The following SV2B variants were observed in gnomAD, a reference collection of about 807,000 sequenced individuals.
SV2B encodes the protein solute carrier family 22 member B2.
SV2B carries 41 observed loss-of-function variants against 73.9 expected under a neutral mutation model. The ratio of observed to expected loss-of-function variants is 0.56; its 90% CI spans 0.43 to 0.72. SV2B has a LOEUF of 0.72. Ranked by LOEUF, SV2B falls within the 30% of genes least tolerant of loss-of-function variation. The probability of loss-of-function intolerance (pLI) is 0.00; values close to 1 mark genes in which losing one functional copy is unlikely to be tolerated. For missense variants in SV2B, 764 were observed against 857.8 expected (o/e 0.89, Z 1.37); for synonymous variants, 314 against 314.2 (o/e 1.00, Z 0.01).
chr15:91,162,499 C>T (rs1241941539), intron 1 of SV2B, among the ~76,000 whole-genome samples: 1 of 150,482 alleles, frequency 6.6e-6, no homozygotes, highest in East Asian at 1.9e-4. Context: ...TAACAAATTA[C>T]CACAAGTTTA....
At position 91,267,717 on chromosome 15, in the gene SV2B, T is replaced by C; in HGVS notation, c.1208+74T>C. 1 of 1,221,900 alleles carries C rather than the reference T, an allele frequency of 8.2e-7. No individual in the cohort carries two copies. The highest frequency in any genetic ancestry group is 1.2e-6 in the Non-Finnish European group (1 of 843,906). 75.7% of individuals were successfully genotyped at this position (1,221,900 alleles called of 1,614,324 possible). Reference sequence around the variant, plus strand: ...CTCCTTTACACATTGAGGATTACAGTGAGTTCTGACTTAGAATTTGTATCA... The same window carrying C: ...CTCCTTTACACATTGAGGATTACAGCGAGTTCTGACTTAGAATTTGTATCA... On this transcript the variant is annotated intron_variant, in intron 8 of 12. Transcript: ENST00000394232. This position sits in a 1 kb window ranked among gnomAD's most constrained non-coding sequence, Gnocchi z 4.3.
Position 91,225,982 on chromosome 15 carries a change from A to G in SV2B, c.-282A>G, listed in dbSNP as rs949746035. On this transcript the variant is annotated 5_prime_UTR_variant, in exon 2 of 13. Transcript: ENST00000394232. ...ATCCATTTCTAATCAACACTTCCCA[A>G]CGCAACACTTCTGAGTCTCTGAAGG... 10 of 443,666 alleles carry G rather than the reference A, an allele frequency of 2.3e-5. 1 individual carries two copies. The highest frequency in any genetic ancestry group is 7.8e-5 in the South Asian group (3 of 38,642). The allele number at this position is 443,666 out of a possible 1,614,324, so 27.5% of individuals were successfully genotyped here. A position where few individuals can be genotyped will look rare whatever the true frequency, so the allele number is the denominator to read the frequency against.
In SV2B at chr15:91,222,070, C is replaced by G. The variant is rs542703153; in HGVS notation, c.-391-3803C>G. On this transcript the variant is annotated intron_variant, in intron 1 of 12. Transcript: ENST00000394232. ...TAGCCTTGTCCTCCAGCCTGCAGTG[C>G]CTTCCTCTCCATTGTTTGTTTCTCT... Among the ~76,000 whole-genome samples, 34 of 152,276 alleles carry G rather than the reference C, an allele frequency of 2.2e-4. No homozygotes were observed. In the East Asian group the frequency reaches 6.2e-3, roughly 28 times the overall value.
At chr15:91,270,025 C>T (rs2048241013) in intron 9 of SV2B, among the ~76,000 whole-genome samples, 1 of 152,130 alleles carries the variant, frequency 6.6e-6, no homozygotes, top group South Asian at 2.1e-4. Context: ...TTTAGTATGT[C>T]AGGAGGTCTT....
At chr15:91,102,371 G>A (rs2041754507) in intron 1 of SV2B, 1 of 152,146 alleles carries the variant, frequency 6.6e-6, no homozygotes, top group African/African-American at 2.4e-5. Flanking sequence ...TTAGTTTCCT[G>A]ATCTGTAAAA....
chr15:91,272,538 A>G (rs62026609), intron 9 of SV2B, among the ~76,000 whole-genome samples: 10,706 of 152,174 alleles, frequency 0.07, 423 homozygotes, highest in Non-Finnish European at 0.092. Flanking sequence ...CTGTGTTCTT[A>G]CTCAGGTAGG....
intron 1 of SV2B, among the ~76,000 whole-genome samples, chr15:91,192,578 G>C (rs1026775134): frequency 1.3e-5 from 2 of 152,210 alleles, no homozygotes; most frequent in Non-Finnish European, 2.9e-5. Flanking sequence ...TGACATTCTT[G>C]ATGTGTTTAT....
In SV2B at chr15:91,229,893, G is replaced by A. The variant is rs550971423; in HGVS notation, c.451+3179G>A. ...CTCAGCTGGCGAAAAGGCTGTTTAT[G>A]TTTGAGTGCTGCTAACTCAGTTCTG... On this transcript the variant is annotated intron_variant, in intron 2 of 12. Coordinates refer to ENST00000394232, the MANE Select transcript of SV2B (RefSeq NM_001323032.3). This position sits in a 1 kb window ranked among gnomAD's most constrained non-coding sequence, Gnocchi z 4.3. Among the ~76,000 whole-genome samples the A allele has an allele frequency of 6.6e-6, 1 of 152,290 alleles. No individual in the cohort carries two copies. The highest frequency in any genetic ancestry group is 1.9e-4 in the East Asian group (1 of 5,178).
rs922688542 is a variant in SV2B at position 91,220,497 on chromosome 15, G to A, written c.-391-5376G>A. Among the ~76,000 whole-genome samples, 5 of 152,216 alleles carry A rather than the reference G, an allele frequency of 3.3e-5. No homozygotes were observed. Among genetic ancestry groups the A allele is most frequent in the Admixed American group, 2.6e-4 (4 of 15,278 alleles). On this transcript the variant is annotated intron_variant, in intron 1 of 12. Transcript: ENST00000394232. The surrounding 1 kb of genome is among the most constrained non-coding windows in gnomAD (Gnocchi z 4.1). ...AATATTAAAAGCCTAATGCTCTACAGAACAGATTTTGGGAAGCATTACATC... is the reference window on the plus strand; with the variant it reads ...AATATTAAAAGCCTAATGCTCTACAAAACAGATTTTGGGAAGCATTACATC...
chr15:91,152,928 C>T (rs1170965017), intron 1 of SV2B, among the ~76,000 whole-genome samples: 7 of 152,274 alleles, frequency 4.6e-5, no homozygotes, highest in Admixed American at 2.6e-4. Flanking sequence ...ATCTATTTCT[C>T]ACAGTTCTGG....
At chr15:91,216,659 C>T (rs996695219) in intron 1 of SV2B, among the ~76,000 whole-genome samples, 9 of 151,288 alleles carry the variant, frequency 5.9e-5, no homozygotes, top group Admixed American at 1.3e-4. Context: ...TTAGTAGAGA[C>T]GGGGTTTCTC....
chr15:91,148,235 T>G (rs2043205737), intron 1 of SV2B, among the ~76,000 whole-genome samples: 1 of 152,104 alleles, frequency 6.6e-6, no homozygotes, highest in Non-Finnish European at 1.5e-5. Context: ...TGCCTTGGCC[T>G]CCCAAAGTGC....
intron 1 of SV2B, among the ~76,000 whole-genome samples, chr15:91,193,025 T>C (rs189433927): frequency 4.6e-5 from 7 of 152,364 alleles, no homozygotes; most frequent in African/African-American, 1.7e-4. Context: ...CACAAATCTA[T>C]CTACTCATTT....
intron 1 of SV2B, among the ~76,000 whole-genome samples, chr15:91,119,622 G>A (rs8028497): frequency 0.47 from 71,454 of 152,060 alleles, 17,964 homozygotes; most frequent in Middle Eastern, 0.58. Flanking sequence ...ATACAATTTG[G>A]AAAATAGGAA....
At position 91,289,473 on chromosome 15, in the gene SV2B, C is replaced by A. The variant is rs1596802054; in HGVS notation, c.1709-48C>A. ...AAGAACTGTGAGTGACAGCCATGTG[C>A]AAGACACAGGCCTCATGTTTCTTTT... On this transcript the variant is annotated intron_variant, in intron 11 of 12. Transcript: ENST00000394232. This position sits in a 1 kb window ranked among gnomAD's most constrained non-coding sequence, Gnocchi z 4.9. The A allele has an allele frequency of 2.5e-6, 4 of 1,612,224 alleles. No homozygotes were observed. In the East Asian group the frequency reaches 8.9e-5, roughly 36 times the overall value.
At chr15:91,182,889 T>A (rs2044635881) in intron 1 of SV2B, among the ~76,000 whole-genome samples, 1 of 152,202 alleles carries the variant, frequency 6.6e-6, no homozygotes, top group African/African-American at 2.4e-5. Flanking sequence ...GTTTGGAAAG[T>A]ACTAGAGAGC....
intron 1 of SV2B, among the ~76,000 whole-genome samples, chr15:91,159,521 TG>T (rs964466197): frequency 2.0e-5 from 3 of 152,160 alleles, no homozygotes; most frequent in African/African-American, 7.2e-5. Context: ...CAATGATTTT[TG>T]ATAAAAACAT....
intron 1 of SV2B, among the ~76,000 whole-genome samples, chr15:91,188,694 T>C (rs1567327736): frequency 6.6e-6 from 1 of 152,298 alleles, no homozygotes; most frequent in East Asian, 1.9e-4. Context: ...TGAAAAAGAT[T>C]AATCTGAACA....
chr15:91,232,703 A>T lies in SV2B; in HGVS notation c.451+5989A>T, dbSNP rs2046625440. 6.6e-6 allele frequency among the ~76,000 whole-genome samples: 1 copy of T among 152,046 alleles called. No homozygotes were observed. Among genetic ancestry groups the T allele is most frequent in the East Asian group, 1.9e-4 (1 of 5,188 alleles). ...TTGTTATAGCAGTAGTTCCTTTTGA[A>T]TTTTTCACGTTTAAAATATAATTTC... On this transcript the variant is annotated intron_variant, in intron 2 of 12. Coordinates refer to ENST00000394232, the MANE Select transcript of SV2B (RefSeq NM_001323032.3). This position sits in a 1 kb window ranked among gnomAD's most constrained non-coding sequence, Gnocchi z 4.7.
Sources: gnomAD v4.1 joint callset for allele counts (sites outside exome capture counted in the v4.1 genomes callset) on GRCh38, gnomAD v4.1.1 for gene constraint, Gnocchi (gnomAD v3.1) non-coding constraint, MANE v1.5 for transcripts, NCBI Gene and HGNC (gene_info 2026-07-23, HGNC 2026-07-21) for gene names.